The following B3GALT1 variants were observed in gnomAD, a reference collection of about 807,000 sequenced individuals.
The protein encoded by B3GALT1 is beta-1,3-galactosyltransferase 1.
Under a neutral mutation model 23.2 loss-of-function variants are expected in B3GALT1, and 10 were observed. That is an observed-to-expected ratio of 0.43 (90% CI 0.27 to 0.73). The LOEUF (loss-of-function observed/expected upper bound fraction) is 0.73, where lower values mean the gene tolerates loss of function less well. Ranked by LOEUF, B3GALT1 falls within the 30% of genes least tolerant of loss-of-function variation. The pLI is 0.21. For synonymous variants in B3GALT1, 156 were observed against 141.5 expected, an observed-to-expected ratio of 1.10 and a Z score of -0.73; for missense variants, 299 against 405.4, an observed-to-expected ratio of 0.74 and a Z score of 2.25.
intron 1 of B3GALT1, among the ~76,000 whole-genome samples, chr2:167,403,910 G>A (rs1698233715): frequency 6.6e-6 from 1 of 152,162 alleles, no homozygotes; most frequent in Non-Finnish European, 1.5e-5. Context: ...TGGCTCCCAA[G>A]AAGCAAGGAC....
chr2:167,591,468 ATTT>A (rs1339233565), intron 2 of B3GALT1, among the ~76,000 whole-genome samples: 35 of 151,886 alleles, frequency 2.3e-4, no homozygotes, highest in African/African-American at 5.8e-4. Flanking sequence ...TAATTAATTT[ATTT>A]ATTTATTTAT....
intron 3 of B3GALT1, among the ~76,000 whole-genome samples, chr2:167,810,803 A>ATTG (rs1176985328): frequency 6.9e-6 from 1 of 144,374 alleles, no homozygotes; most frequent in Admixed American, 6.7e-5. Flanking sequence ...CAAGTTGTCA[A>ATTG]TTGTTATCTC....
At chr2:167,378,834 G>A (rs2617386) in intron 1 of B3GALT1, among the ~76,000 whole-genome samples, 121,297 of 152,054 alleles carry the variant, frequency 0.8, 50,541 homozygotes, top group East Asian at 0.92. Context: ...TTCCATTTTG[G>A]TTAGGGATTA....
At chr2:167,381,669 C>T (rs1207333316) in intron 1 of B3GALT1, among the ~76,000 whole-genome samples, 1 of 152,178 alleles carries the variant, frequency 6.6e-6, no homozygotes, top group African/African-American at 2.4e-5. Flanking sequence ...GTAAACTGCA[C>T]TGAATTTGTG....
intron 3 of B3GALT1, among the ~76,000 whole-genome samples, chr2:167,667,249 T>G (rs945736916): frequency 7.9e-5 from 12 of 152,318 alleles, no homozygotes; most frequent in African/African-American, 1.7e-4. Context: ...GGTTGAAAAT[T>G]CTTTTCTTTA....
intron 3 of B3GALT1, among the ~76,000 whole-genome samples, chr2:167,651,734 G>A (rs761625610): frequency 3.3e-5 from 5 of 152,034 alleles, no homozygotes; most frequent in Admixed American, 6.6e-5. Flanking sequence ...CTTTTACCAC[G>A]TGCTGAGTTC....
At chr2:167,511,684 A>C (rs1700006881) in intron 2 of B3GALT1, among the ~76,000 whole-genome samples, 1 of 152,154 alleles carries the variant, frequency 6.6e-6, no homozygotes, top group Non-Finnish European at 1.5e-5. Context: ...AAGTCTTCCA[A>C]ATGTTAGCAA....
chr2:167,487,130 A>T, intron 1 of B3GALT1, among the ~76,000 whole-genome samples: 1 of 152,214 alleles, frequency 6.6e-6, no homozygotes, highest in Non-Finnish European at 1.5e-5. Context: ...TAGAGTTAGG[A>T]TTCAAATCTG....
intron 4 of B3GALT1, among the ~76,000 whole-genome samples, chr2:167,837,509 G>A (rs1215431719): frequency 1.3e-5 from 2 of 151,118 alleles, no homozygotes; most frequent in African/African-American, 2.4e-5. Context: ...CAATACAGGA[G>A]CACCCAGATT....
chr2:167,616,939 A>C (rs1685171683), intron 2 of B3GALT1, among the ~76,000 whole-genome samples: 1 of 152,154 alleles, frequency 6.6e-6, no homozygotes, highest in South Asian at 2.1e-4. Flanking sequence ...TGAAGCAGAC[A>C]ATCATGTCAG....
At chr2:167,632,647 G>GT (rs978155377) in intron 2 of B3GALT1, among the ~76,000 whole-genome samples, 4 of 151,806 alleles carry the variant, frequency 2.6e-5, no homozygotes, top group Non-Finnish European at 5.9e-5. Context: ...GGATTCGTTT[G>GT]TTTTTTTCTT....
intron 3 of B3GALT1, among the ~76,000 whole-genome samples, chr2:167,737,345 C>T (rs770550281): frequency 6.6e-6 from 1 of 152,232 alleles, no homozygotes; most frequent in Non-Finnish European, 1.5e-5. Context: ...CCAGGTGTTT[C>T]TGACTACAAA....
intron 1 of B3GALT1, among the ~76,000 whole-genome samples, chr2:167,395,748 C>T (rs1698083750): frequency 1.3e-5 from 2 of 151,634 alleles, no homozygotes; most frequent in Non-Finnish European, 2.9e-5. Flanking sequence ...AAAACAGATG[C>T]TTCCTTGGAT....
intron 2 of B3GALT1, among the ~76,000 whole-genome samples, chr2:167,621,984 T>G (rs932464892): frequency 6.6e-6 from 1 of 152,148 alleles, no homozygotes; most frequent in African/African-American, 2.4e-5. Flanking sequence ...TGGGTTTGTC[T>G]TTATTAGCAG....
intron 2 of B3GALT1, among the ~76,000 whole-genome samples, chr2:167,640,252 C>T (rs577524362): frequency 3.3e-5 from 5 of 152,184 alleles, no homozygotes; most frequent in Middle Eastern, 3.4e-3. Flanking sequence ...CAACTATTGC[C>T]TCAGAATTGG....
chr2:167,576,539 T>TG (rs1157563817), intron 2 of B3GALT1, among the ~76,000 whole-genome samples: 1 of 147,960 alleles, frequency 6.8e-6, no homozygotes, highest in Non-Finnish European at 1.5e-5. Context: ...TTTGTTTTTT[T>TG]TTTTTGTTTT....
chr2:167,323,762 A>G (rs1362294281), intron 1 of B3GALT1, among the ~76,000 whole-genome samples: 4 of 152,140 alleles, frequency 2.6e-5, no homozygotes, highest in Non-Finnish European at 5.9e-5. Context: ...AAGAATAATT[A>G]TATTTATCCT....
intron 3 of B3GALT1, among the ~76,000 whole-genome samples, chr2:167,723,527 C>CTTTTTTTTTTTTTTTTTTTTT (rs77413935): frequency 1.4e-5 from 2 of 145,152 alleles, no homozygotes. Flanking sequence ...TCTTTCTTTC[C>CTTTTTTTTTTTTTTTTTTTTT]TTTTTTTTTT....
At chr2:167,512,622 G>GCATATATATATACA (rs1700038241) in intron 2 of B3GALT1, among the ~76,000 whole-genome samples, 2 of 42,376 alleles carry the variant, frequency 4.7e-5, no homozygotes, top group Admixed American at 2.7e-4. Flanking sequence ...ATATATATAC[G>GCATATATATATACA]TGTATATATA....
Sources: gnomAD v4.1 joint callset for allele counts (sites outside exome capture counted in the v4.1 genomes callset) on GRCh38, gnomAD v4.1.1 for gene constraint, MANE v1.5 for transcripts, NCBI Gene and HGNC (gene_info 2026-07-23, HGNC 2026-07-21) for gene names.